The following QTMAN variants were observed in gnomAD, a reference collection of about 807,000 sequenced individuals.
The protein encoded by QTMAN is tRNA-queuosine alpha-mannosyltransferase.
At chr2:144,079,956 A>G in the QTMAN span, among the ~76,000 whole-genome samples, 1 of 152,112 alleles carries the variant, frequency 6.6e-6, no homozygotes, top group African/African-American at 2.4e-5. Flanking sequence ...AAATCAATTT[A>G]GACTTAAAGT....
chr2:144,016,621 T>G, the QTMAN span, among the ~76,000 whole-genome samples: 2 of 152,214 alleles, frequency 1.3e-5, no homozygotes, highest in East Asian at 1.9e-4. Flanking sequence ...ATGTGTTCTA[T>G]TCCAAGATAT....
chr2:144,081,218 T>C, the QTMAN span, among the ~76,000 whole-genome samples: 1 of 152,240 alleles, frequency 6.6e-6, no homozygotes, highest in South Asian at 2.1e-4. Context: ...GAAGGAAAAG[T>C]TGAGCTTTCT....
At chr2:144,230,004 A>T in the QTMAN span, among the ~76,000 whole-genome samples, 3 of 152,096 alleles carry the variant, frequency 2.0e-5, no homozygotes, top group Non-Finnish European at 4.4e-5. Flanking sequence ...ATCTATGAAA[A>T]TCCATGTGAT....
the QTMAN span, among the ~76,000 whole-genome samples, chr2:143,955,304 T>G: frequency 6.6e-6 from 1 of 152,154 alleles, no homozygotes; most frequent in African/African-American, 2.4e-5. Flanking sequence ...TTTAAGGGTG[T>G]TTTTAATTAA....
At chr2:144,326,273 T>C in the QTMAN span, among the ~76,000 whole-genome samples, 3 of 152,190 alleles carry the variant, frequency 2.0e-5, no homozygotes, top group Admixed American at 6.5e-5. Context: ...ATTTTTTACA[T>C]GGATATGCCT....
the QTMAN span, among the ~76,000 whole-genome samples, chr2:144,320,569 G>A: frequency 6.6e-6 from 1 of 152,054 alleles, no homozygotes; most frequent in African/African-American, 2.4e-5. Context: ...TCACCTTCAG[G>A]TCAAATTCCA....
the QTMAN span, among the ~76,000 whole-genome samples, chr2:143,960,027 A>G: frequency 1.6e-4 from 25 of 152,150 alleles, no homozygotes; most frequent in African/African-American, 6.0e-4. Context: ...AATATGTATT[A>G]TAAAAGCCTT....
chr2:144,104,660 C>T, the QTMAN span, among the ~76,000 whole-genome samples: 1 of 152,350 alleles, frequency 6.6e-6, no homozygotes, highest in East Asian at 1.9e-4. Context: ...CTGCCTGCCT[C>T]TGTAGACTCC....
At chr2:144,007,645 A>T in the QTMAN span, 9 of 681,016 alleles carry the variant, frequency 1.3e-5, no homozygotes, top group Admixed American at 3.6e-5. Flanking sequence ...GAGAAAAAAT[A>T]AAGATGTTAT....
the QTMAN span, among the ~76,000 whole-genome samples, chr2:144,011,076 T>C: frequency 6.6e-6 from 1 of 152,152 alleles, no homozygotes; most frequent in Non-Finnish European, 1.5e-5. Flanking sequence ...TCCTTGTTTA[T>C]AGTATCTTTT....
the QTMAN span, among the ~76,000 whole-genome samples, chr2:143,994,386 G>GT: frequency 6.6e-6 from 1 of 152,098 alleles, no homozygotes; most frequent in East Asian, 1.9e-4. Flanking sequence ...CCACTGCTAG[G>GT]TATCTAACCC....
chr2:143,955,493 T>A, the QTMAN span, among the ~76,000 whole-genome samples: 1 of 152,128 alleles, frequency 6.6e-6, no homozygotes, highest in African/African-American at 2.4e-5. Flanking sequence ...ATAATGAACA[T>A]CATGAATAAA....
At chr2:144,058,677 A>T in the QTMAN span, among the ~76,000 whole-genome samples, 1 of 150,828 alleles carries the variant, frequency 6.6e-6, no homozygotes, top group Non-Finnish European at 1.5e-5. Flanking sequence ...TTCCAACAGG[A>T]TATATCCAGG....
chr2:144,291,729 T>A, the QTMAN span, among the ~76,000 whole-genome samples: 1 of 152,228 alleles, frequency 6.6e-6, no homozygotes, highest in African/African-American at 2.4e-5. Context: ...CCGTACTTAA[T>A]GACCCAGTCT....
the QTMAN span, among the ~76,000 whole-genome samples, chr2:144,142,257 T>C: frequency 5.9e-5 from 9 of 151,942 alleles, no homozygotes; most frequent in African/African-American, 2.2e-4. Context: ...GGGAGTTGAT[T>C]GGTGGCATCA....
At chr2:144,222,572 C>T in the QTMAN span, among the ~76,000 whole-genome samples, 9 of 151,268 alleles carry the variant, frequency 5.9e-5, no homozygotes, top group East Asian at 2.0e-4. Context: ...TTTGAGAGGC[C>T]GAGGCGGGCG....
chr2:144,047,483 C>T, the QTMAN span, among the ~76,000 whole-genome samples: 918 of 152,164 alleles, frequency 6.0e-3, 16 homozygotes, highest in African/African-American at 0.021. Flanking sequence ...AGTGACAAGG[C>T]ATCAGGATTC....
chr2:144,113,387 G>GA, the QTMAN span, among the ~76,000 whole-genome samples: 1 of 150,350 alleles, frequency 6.7e-6, no homozygotes, highest in South Asian at 2.1e-4. Flanking sequence ...CAGAGAACAA[G>GA]AAAAATTAGC....
At chr2:144,040,638 G>A in the QTMAN span, among the ~76,000 whole-genome samples, 4 of 152,214 alleles carry the variant, frequency 2.6e-5, no homozygotes, top group East Asian at 7.8e-4. Flanking sequence ...CGAAAGAAAA[G>A]AAACAGAAAG....
Sources: allele counts gnomAD v4.1 joint callset (sites outside exome capture counted in the v4.1 genomes callset), GRCh38; gene constraint gnomAD v4.1.1; transcripts MANE v1.5; gene names NCBI Gene and HGNC (gene_info 2026-07-23, HGNC 2026-07-21).